NUP210: variants seen among roughly 807,000 people sequenced by gnomAD.
NUP210 encodes the protein nucleoporin 210.
NUP210 carries 151 observed loss-of-function variants against 196.0 expected under a neutral mutation model. That is an observed-to-expected ratio of 0.77 (90% confidence interval 0.67 to 0.88). NUP210 has a LOEUF of 0.88. Among genes scored for constraint, NUP210 ranks in the 40% least tolerant of loss-of-function variants. The probability of loss-of-function intolerance (pLI) is 0.00; values close to 1 mark genes in which losing one functional copy is unlikely to be tolerated. For synonymous variants in NUP210, 1,070 were observed against 1,052.7 expected (o/e 1.02, Z -0.32); for missense variants, 2,314 against 2,493.7 (o/e 0.93, Z 1.53).
chr3:13,352,228 T>G (rs1180520103), intron 18 of NUP210, 44 bp from the exon 19 acceptor site: 2 of 1,462,478 alleles, frequency 1.4e-6, no homozygotes, highest in Non-Finnish European at 1.9e-6. Flanking sequence ...AGGACATGAT[T>G]AGGCTGCCCC....
At chr3:13,343,057 A>C in intron 21 of NUP210, 118 bp downstream of exon 21, 1 of 1,211,214 alleles carries the variant, frequency 8.3e-7, no homozygotes, top group Non-Finnish European at 1.2e-6. Context: ...TCACAGGGGA[A>C]GGGATGCAGA....
chr3:13,322,176 C>A lies in NUP210; in HGVS notation c.4915+17G>T. 6.2e-7 allele frequency: 1 copy of A among 1,613,998 alleles called. No homozygotes were observed. The highest frequency in any genetic ancestry group is 1.1e-5 in the South Asian group (1 of 91,062). ...ACTGTCTCCAAGTCCCTTTCACTTT[C>A]AAATCCTCGCAATTACCGAGAGCAG... On this transcript the variant is annotated intron_variant, in intron 35 of 39. Transcript: ENST00000254508.
intron 2 of NUP210, 53 bp from the exon 3 acceptor site, chr3:13,397,541 T>G (rs576679912): frequency 1.0e-4 from 151 of 1,506,624 alleles, no homozygotes; most frequent in South Asian, 8.9e-4. Context: ...CGCCCCTGGC[T>G]CCACTTCCAA....
chr3:13,320,448 A>G (rs912775079), intron 36 of NUP210, among the ~76,000 whole-genome samples: 7 of 151,856 alleles, frequency 4.6e-5, no homozygotes, highest in African/African-American at 1.7e-4. Context: ...CCTGGCTAAC[A>G]CGGTGAGACC....
rs369389584 is a variant in NUP210 at position 13,399,873 on chromosome 3, G to A, written c.168-12C>T. 5.0e-6 allele frequency: 8 copies of A among 1,595,602 alleles called. No individual in the cohort carries two copies. The highest frequency in any genetic ancestry group is 1.7e-4 in the Middle Eastern group (1 of 5,894). On this transcript the variant is annotated splice_polypyrimidine_tract_variant and intron_variant, in intron 1 of 39. Coordinates refer to ENST00000254508, the MANE Select transcript of NUP210 (RefSeq NM_024923.4). ...GCCGGGTGGACAACCTGCAGTGGAA[G>A]AAGACAGCATTTACTCTCTGGAGCT...
rs76743769 is a variant in NUP210 at position 13,419,230 on chromosome 3, C to T, written c.167+830G>A. On this transcript the variant is annotated intron_variant, in intron 1 of 39. Transcript: ENST00000254508. ...AGGGCGGAAGCCCATCTTTTCACCC[C>T]TAGGACGGCTGGGCTGGGAAGCTAA... is the stretch of plus-strand genomic sequence containing the variant. Among the ~76,000 whole-genome samples, 769 of 152,312 alleles carry T rather than the reference C, an allele frequency of 5.0e-3. 3 individuals carry two copies. Among genetic ancestry groups the T allele is most frequent in the Non-Finnish European group, 6.2e-3 (424 of 68,006 alleles).
chr3:13,409,350 T>G (rs1462202708), intron 1 of NUP210, among the ~76,000 whole-genome samples: 1 of 152,204 alleles, frequency 6.6e-6, no homozygotes, highest in African/African-American at 2.4e-5. Flanking sequence ...ATGGATGGAC[T>G]AAGCGCCTTT....
intron 27 of NUP210, 99 bp downstream of exon 27, chr3:13,336,688 A>T (rs1038614868): frequency 7.4e-7 from 1 of 1,345,008 alleles, no homozygotes; most frequent in Admixed American, 2.1e-5. Flanking sequence ...GAGGGTGGGG[A>T]CTTCCTGTGG....
At chr3:13,372,134 T>A in intron 12 of NUP210, 102 bp from the exon 13 acceptor site, 1 of 1,113,666 alleles carries the variant, frequency 9.0e-7, no homozygotes. Context: ...GCACTGAGGA[T>A]ACATCTGTGA....
Position 13,325,851 on chromosome 3 carries a change from C to A in NUP210, c.4588G>T (p.Val1530Leu), listed in dbSNP as rs139317581. Residue 1530 changes from valine (V) to leucine (L), a missense_variant, in exon 33 of 40, where the codon GTG becomes TTG. By Grantham distance (32) the Val-to-Leu change is conservative. Transcript: ENST00000254508. The stretch of plus-strand genomic sequence containing the variant: ...TCATAGTAAACCGTCACGGATCCCA[C>A]GGCCCGGGCCACAGCCACACCCGTC... ...PKTGVAVARA[V>L]GSVTVYYEVA... 1.2e-5 allele frequency: 19 copies of A among 1,613,950 alleles called. No individual in the cohort carries two copies. Among genetic ancestry groups the A allele is most frequent in the Non-Finnish European group, 1.5e-5 (18 of 1,180,024 alleles).
At position 13,351,880 on chromosome 3, in the gene NUP210, A is replaced by G. The variant is rs752208451; in HGVS notation, c.2834T>C (p.Met945Thr). Residue 945 changes from methionine to threonine, a missense_variant and splice_region_variant, in exon 20 of 40, where the codon ATG becomes ACG. Transcript: ENST00000254508. The stretch of plus-strand genomic sequence containing the variant: ...TGGGGACCGATGGCCCAAGCTTACC[A>G]TGGCGACACCCCTGGCCTCCTGGTA... Reference protein sequence around the residue: ...VAYQEARGVAMVHPLLPGSST... With the variant: ...VAYQEARGVATVHPLLPGSST... 1.2e-6 allele frequency: 2 copies of G among 1,609,542 alleles called. No homozygotes were observed. Among genetic ancestry groups the G allele is most frequent in the African/African-American group, 1.3e-5 (1 of 74,946 alleles).
chr3:13,345,286 C>A, intron 20 of NUP210: 1 of 944,528 alleles, frequency 1.1e-6, no homozygotes. Context: ...TGATTCTGGT[C>A]CAACCACTTC....
intron 2 of NUP210, among the ~76,000 whole-genome samples, chr3:13,399,328 T>C (rs895937558): frequency 6.8e-6 from 1 of 147,344 alleles, no homozygotes; most frequent in African/African-American, 2.5e-5. Flanking sequence ...ATAATCTAAG[T>C]AGGGAAAAGC....
chr3:13,340,246 G>A lies in NUP210; in HGVS notation c.3281C>T (p.Ala1094Val), dbSNP rs1259305189. 3 of 1,613,324 alleles carry A rather than the reference G, an allele frequency of 1.9e-6. No individual in the cohort carries two copies. In the African/African-American group the frequency reaches 4.0e-5, roughly 22 times the overall value. ...MPRKVTLLIG[A>V]TMQVTSEGGP... ...CCTCTTGGCTCTCACCTGCATCGTG[G>A]CCCCGATAAGCAGTGTCACCTTCCT... The change falls in exon 24 of 40, where the codon GCC (alanine) becomes GTC (valine). Residue 1094 changes from alanine to valine, a missense_variant. Transcript: ENST00000254508. This position sits in a 1 kb window ranked among gnomAD's most constrained non-coding sequence, Gnocchi z 4.0.
chr3:13,418,424 C>A (rs1368427292), intron 1 of NUP210, among the ~76,000 whole-genome samples: 2 of 152,072 alleles, frequency 1.3e-5, no homozygotes, highest in Admixed American at 1.3e-4. Context: ...GAAACCCCAT[C>A]TTTACTAAAA....
intron 25 of NUP210, among the ~76,000 whole-genome samples, chr3:13,339,149 A>G (rs566303477): frequency 6.6e-6 from 1 of 151,968 alleles, no homozygotes; most frequent in African/African-American, 2.4e-5. Context: ...AAATCAATGA[A>G]CTCAATGACG....
At chr3:13,336,482 G>C (rs759868332) in intron 27 of NUP210, among the ~76,000 whole-genome samples, 9 of 152,194 alleles carry the variant, frequency 5.9e-5, no homozygotes, top group Non-Finnish European at 1.3e-4. Context: ...GAGAAACCGA[G>C]GGCTGCCAGG....
intron 13 of NUP210, among the ~76,000 whole-genome samples, chr3:13,367,366 C>T (rs756126585): frequency 6.6e-6 from 1 of 152,032 alleles, no homozygotes; most frequent in South Asian, 2.1e-4. Flanking sequence ...ACCTGGGAGG[C>T]GGAGGTTGCA....
chr3:13,419,899 G>A (rs1282171247), intron 1 of NUP210, among the ~76,000 whole-genome samples, 161 bp downstream of exon 1: 1 of 150,756 alleles, frequency 6.6e-6, no homozygotes, highest in Admixed American at 6.6e-5. Context: ...CAGTGGTGGC[G>A]ACCCACGCGC....
Sources: gnomAD v4.1 joint callset for allele counts (sites outside exome capture counted in the v4.1 genomes callset) on GRCh38, gnomAD v4.1.1 for gene constraint, Gnocchi (gnomAD v3.1) non-coding constraint, MANE v1.5 for transcripts, NCBI Gene and HGNC (gene_info 2026-07-23, HGNC 2026-07-21) for gene names.